The following PRICKLE2 variants were observed in gnomAD, a reference collection of about 807,000 sequenced individuals.
PRICKLE2 encodes prickle planar cell polarity protein 2.
A neutral mutation model predicts 81.4 loss-of-function variants in PRICKLE2; 21 were observed. That is an observed-to-expected ratio of 0.26 (90% confidence interval 0.18 to 0.37). The LOEUF is 0.37. Among genes scored for constraint, PRICKLE2 ranks in the 10% least tolerant of loss-of-function variants. The pLI, the probability that PRICKLE2 is intolerant of heterozygous loss-of-function variation, is 1.00. For synonymous variants in PRICKLE2, 456 were observed against 421.5 expected, an observed-to-expected ratio of 1.08 and a Z score of -1.00; for missense variants, 940 against 1,109.0, an observed-to-expected ratio of 0.85 and a Z score of 2.16.
At chr3:64,237,328 A>G (rs1339276074) in intron 2 of PRICKLE2, among the ~76,000 whole-genome samples, 1 of 152,062 alleles carries the variant, frequency 6.6e-6, no homozygotes, top group Non-Finnish European at 1.5e-5. Context: ...TGAATTGAAG[A>G]TAATAAATGT....
rs189709923 is a variant in PRICKLE2 at position 64,209,009 on chromosome 3, T to C, written c.-40-10042A>G. Among the ~76,000 whole-genome samples, 42 of 152,112 alleles carry C rather than the reference T, an allele frequency of 2.8e-4. No individual in the cohort carries two copies. In the East Asian group the frequency reaches 5.0e-3, roughly 18 times the overall value. ...CCATCTATCTATTCATTCATATCCA[T>C]ACATACATCCCATAAATACATCCAT... On this transcript the variant is annotated intron_variant, in intron 1 of 7. Transcript: ENST00000638394.
At chr3:64,121,093 A>C (rs1301090233) in intron 7 of PRICKLE2, among the ~76,000 whole-genome samples, 1 of 152,096 alleles carries the variant, frequency 6.6e-6, no homozygotes, top group African/African-American at 2.4e-5. Context: ...CCCCCTCTGC[A>C]CAGATGGAAT....
At chr3:64,193,936 G>A (rs984629736) in intron 2 of PRICKLE2, among the ~76,000 whole-genome samples, 8 of 152,196 alleles carry the variant, frequency 5.3e-5, no homozygotes, top group Non-Finnish European at 1.0e-4. Context: ...GTCCAGTCTT[G>A]GGTATGTCTT....
rs1292913892 is a variant in PRICKLE2, at chr3:64,147,069, G to A, written c.1421C>T (p.Pro474Leu). The change falls in exon 7 of 8, where the codon CCG becomes CTG. Residue 474 changes from proline to leucine, a missense_variant. By Grantham distance (98) the Pro-to-Leu change is moderately conservative (BLOSUM62 -3). Transcript: ENST00000638394. The surrounding 1 kb of genome is among the most constrained non-coding windows in gnomAD (Gnocchi z 5.0). ...GCTCTCCTGAGATCTCAGCCTCCCC[G>A]GGTAATAGTCTTCTCGGCATTCCTT... The part of the protein sequence containing the change: ...FIKECREDYY[P>L]GRLRSQESYS... 6 of 1,614,064 alleles carry A rather than the reference G, an allele frequency of 3.7e-6. No homozygotes were observed. Among genetic ancestry groups the A allele is most frequent in the South Asian group, 1.1e-5 (1 of 91,076 alleles).
chr3:64,180,656 C>T (rs2078113937), intron 2 of PRICKLE2, among the ~76,000 whole-genome samples: 1 of 152,148 alleles, frequency 6.6e-6, no homozygotes, highest in Non-Finnish European at 1.5e-5. Flanking sequence ...CCTCAGCCTC[C>T]TGAGTAGCTG....
chr3:64,259,930 G>A (rs986686763), intron 2 of PRICKLE2, among the ~76,000 whole-genome samples: 3 of 152,150 alleles, frequency 2.0e-5, no homozygotes, highest in African/African-American at 7.2e-5. Flanking sequence ...CAAGATTGTG[G>A]TAATTTGGTA....
chr3:64,264,919 AG>A (rs1344974619), intron 2 of PRICKLE2, among the ~76,000 whole-genome samples: 1 of 152,192 alleles, frequency 6.6e-6, no homozygotes, highest in African/African-American at 2.4e-5. Context: ...GGCTGTTAAA[AG>A]TCAAATATGA....
intron 2 of PRICKLE2, among the ~76,000 whole-genome samples, chr3:64,231,445 C>T (rs944114905): frequency 6.6e-6 from 1 of 152,124 alleles, no homozygotes; most frequent in African/African-American, 2.4e-5. Flanking sequence ...ACAGCTGAAA[C>T]CTGAATTTTC....
chr3:64,194,452 G>C (rs147888644), intron 2 of PRICKLE2: 2 of 152,174 alleles, frequency 1.3e-5, no homozygotes, highest in Admixed American at 1.3e-4. Flanking sequence ...ATTGGGTAAC[G>C]TCTGGAGACA....
chr3:64,217,134 C>T (rs985234511), intron 1 of PRICKLE2, among the ~76,000 whole-genome samples: 1 of 152,092 alleles, frequency 6.6e-6, no homozygotes, highest in Admixed American at 6.5e-5. Context: ...CAGGAGGATG[C>T]CTACAGAAAA....
At chr3:64,187,808 G>A (rs368735770) in intron 2 of PRICKLE2, among the ~76,000 whole-genome samples, 1 of 152,204 alleles carries the variant, frequency 6.6e-6, no homozygotes, top group Admixed American at 6.5e-5. Context: ...TCAGTAGCCT[G>A]AAAGCTAACG....
In PRICKLE2 at chr3:64,202,963, AC is replaced by A. The variant is rs1299697385; in HGVS notation, c.-40-3997del. On this transcript the variant is annotated intron_variant, in intron 1 of 7. Transcript: ENST00000638394. ...TCTTCTATGCTAGTTTGTTGTTTTT[AC>A]CACAAAAGGGTGTTGGAGTTTGTCA... Among the ~76,000 whole-genome samples, 5 of 152,146 alleles carry A rather than the reference AC, an allele frequency of 3.3e-5. No homozygotes were observed. In the East Asian group the frequency reaches 7.7e-4, roughly 23 times the overall value.
intron 7 of PRICKLE2, 76 bp from the exon 8 acceptor site, chr3:64,100,001 C>G: frequency 1.3e-6 from 2 of 1,490,062 alleles, no homozygotes. Flanking sequence ...TGCTGGTCAT[C>G]TATCTAGGGT....
rs549191915 is a variant in PRICKLE2, at chr3:64,134,377, T to C, written c.1660+12453A>G. Among the ~76,000 whole-genome samples, 3 of 152,330 alleles carry C rather than the reference T, an allele frequency of 2.0e-5. No homozygotes were observed. In the East Asian group the frequency reaches 5.8e-4, roughly 29 times the overall value. ...CGTGACATCATACTCCCCTCAGATG[T>C]GGTTCAGAATGACTTAGATTGGGAC... On this transcript the variant is annotated intron_variant, in intron 7 of 7. Coordinates refer to ENST00000638394, the MANE Select transcript of PRICKLE2 (RefSeq NM_198859.4).
intron 7 of PRICKLE2, among the ~76,000 whole-genome samples, chr3:64,135,007 C>T (rs1472064211): frequency 6.6e-6 from 1 of 152,190 alleles, no homozygotes; most frequent in East Asian, 1.9e-4. Flanking sequence ...CTGCTCACTC[C>T]TAGGCAGCAG....
chr3:64,217,518 A>G (rs912945053), intron 1 of PRICKLE2, among the ~76,000 whole-genome samples: 1 of 152,196 alleles, frequency 6.6e-6, no homozygotes, highest in Non-Finnish European at 1.5e-5. Flanking sequence ...CGAATAAAAT[A>G]CAGAGTAAAT....
chr3:64,171,050 G>C (rs138027057), intron 2 of PRICKLE2, among the ~76,000 whole-genome samples: 1 of 152,152 alleles, frequency 6.6e-6, no homozygotes, highest in African/African-American at 2.4e-5. Context: ...CTTTTGTTCA[G>C]GTCTTGTGCT....
At chr3:64,203,463 C>G (rs1221677964) in intron 1 of PRICKLE2, among the ~76,000 whole-genome samples, 1 of 152,154 alleles carries the variant, frequency 6.6e-6, no homozygotes, top group African/African-American at 2.4e-5. Context: ...ACTTGAACAT[C>G]AAAATGTAGA....
rs1008615459 is a variant in PRICKLE2 at position 64,128,665 on chromosome 3, G to T, written c.1660+18165C>A. Among the ~76,000 whole-genome samples, 10 of 147,820 alleles carry T rather than the reference G, an allele frequency of 6.8e-5. No homozygotes were observed. The Admixed American group carries it at 6.9e-4, about 10-fold the overall frequency. On this transcript the variant is annotated intron_variant, in intron 7 of 7. Transcript: ENST00000638394. ...GGAGGCTGAGGCAGGAGAATAATGT[G>T]AACCCGGGAGGGAGAGGTTGTAGTG...
Sources: gnomAD v4.1 joint callset for allele counts (sites outside exome capture counted in the v4.1 genomes callset) on GRCh38, gnomAD v4.1.1 for gene constraint, Gnocchi (gnomAD v3.1) non-coding constraint, MANE v1.5 for transcripts, NCBI Gene and HGNC (gene_info 2026-07-23, HGNC 2026-07-21) for gene names.